TANC2: variants seen among roughly 807,000 people sequenced by gnomAD.
The protein encoded by TANC2 is protein TANC2.
Under a neutral mutation model 210.5 loss-of-function variants are expected in TANC2, and 26 were observed. The observed-to-expected ratio is 0.12, with a 90% confidence interval of 0.09 to 0.17. The LOEUF is 0.17. Ranked by LOEUF, TANC2 falls within the 10% of genes least tolerant of loss-of-function variation. TANC2 has a pLI of 1.00. For missense variants in TANC2, 2,129 were observed against 2,608.9 expected (o/e 0.82, Z 4.01); for synonymous variants, 931 against 967.1 (o/e 0.96, Z 0.69).
chr17:63,366,242 A>G (rs191284055), intron 14 of TANC2, among the ~76,000 whole-genome samples: 120 of 152,322 alleles, frequency 7.9e-4, no homozygotes, highest in African/African-American at 2.7e-3. Context: ...GCAAGTATTC[A>G]GTGAATATTT....
intron 7 of TANC2, among the ~76,000 whole-genome samples, chr17:63,218,738 A>G (rs778027351): frequency 3.3e-5 from 5 of 152,228 alleles, no homozygotes; most frequent in Admixed American, 6.5e-5. Flanking sequence ...TCTACTAAAA[A>G]TGCAAAAATT....
chr17:63,371,560 G>A (rs2047270643), intron 14 of TANC2, among the ~76,000 whole-genome samples: 2 of 152,092 alleles, frequency 1.3e-5, no homozygotes, highest in African/African-American at 4.8e-5. Flanking sequence ...AAATCTGTGT[G>A]ACTCCATATT....
At chr17:63,130,206 A>G (rs1487391685) in intron 4 of TANC2, among the ~76,000 whole-genome samples, 1 of 152,146 alleles carries the variant, frequency 6.6e-6, no homozygotes, top group African/African-American at 2.4e-5. Context: ...TTATTTAGGT[A>G]GCACAATAAA....
chr17:63,190,498 T>C (rs1476929565), intron 5 of TANC2, among the ~76,000 whole-genome samples: 2 of 152,236 alleles, frequency 1.3e-5, no homozygotes, highest in Admixed American at 1.3e-4. Flanking sequence ...CCAACTCTGT[T>C]CTTCTTTTTA....
chr17:63,246,442 C>G (rs1030013888), intron 8 of TANC2, among the ~76,000 whole-genome samples: 1 of 152,040 alleles, frequency 6.6e-6, no homozygotes, highest in Non-Finnish European at 1.5e-5. Context: ...TTTTCATTAC[C>G]TCAGAAAGAT....
In TANC2 at chr17:63,171,081, C is replaced by CTT. The variant is rs578140711; in HGVS notation, c.433+19722_433+19723dup. 2.5e-3 allele frequency among the ~76,000 whole-genome samples: 246 copies of CTT among 97,948 alleles called. 1 individual carries two copies. Among genetic ancestry groups the CTT allele is most frequent in the Middle Eastern group, 6.3e-3 (1 of 160 alleles). The allele number at this position is 97,948 out of a possible 152,430, so 64.3% of individuals were successfully genotyped here. ...CCAAATGTCCCAAATGTATTTCTTT[C>CTT]TTTTTTTTTTTTTTTTTTTTTTGAG... On this transcript the variant is annotated intron_variant, in intron 5 of 27. Coordinates refer to ENST00000689528, the Ensembl canonical transcript of TANC2.
At chr17:63,287,755 A>AGTCT (rs1338733253) in intron 9 of TANC2, among the ~76,000 whole-genome samples, 34 of 151,648 alleles carry the variant, frequency 2.2e-4, no homozygotes, top group African/African-American at 8.0e-4. Context: ...AGCTCACTGC[A>AGTCT]GTCTCCATCT....
intron 2 of TANC2, among the ~76,000 whole-genome samples, chr17:63,061,165 G>A (rs373680400): frequency 2.6e-5 from 4 of 152,076 alleles, no homozygotes; most frequent in South Asian, 2.1e-4. Flanking sequence ...TCAGGAGTTC[G>A]AGACCAGCCT....
intron 5 of TANC2, among the ~76,000 whole-genome samples, chr17:63,176,124 T>C (rs1304222476): frequency 6.6e-6 from 1 of 152,238 alleles, no homozygotes; most frequent in Non-Finnish European, 1.5e-5. Context: ...CACCAGTCAC[T>C]TTGGAAACTG....
intron 1 of TANC2, among the ~76,000 whole-genome samples, chr17:62,996,732 C>A (rs752954839): frequency 6.6e-6 from 1 of 151,808 alleles, no homozygotes; most frequent in Non-Finnish European, 1.5e-5. Flanking sequence ...TTTCTCTCTT[C>A]GTTTTTTTTG....
intron 19 of TANC2, among the ~76,000 whole-genome samples, chr17:63,403,974 T>A (rs2048421187): frequency 6.6e-6 from 1 of 152,276 alleles, no homozygotes; most frequent in African/African-American, 2.4e-5. Context: ...TTTTACTTGC[T>A]TCTCTGAATA....
intron 4 of TANC2, among the ~76,000 whole-genome samples, chr17:63,100,359 T>G (rs1272990527): frequency 6.6e-6 from 1 of 152,122 alleles, no homozygotes; most frequent in African/African-American, 2.4e-5. Context: ...CTCTTTACAT[T>G]GTGTATTATT....
At chr17:63,255,123 G>T (rs948059657) in intron 8 of TANC2, among the ~76,000 whole-genome samples, 2 of 147,424 alleles carry the variant, frequency 1.4e-5, no homozygotes, top group African/African-American at 2.5e-5. Flanking sequence ...ATTTATTTTT[G>T]AGACGAAGTC....
chr17:62,996,900 G>A (rs2033135274), intron 1 of TANC2, among the ~76,000 whole-genome samples: 1 of 147,202 alleles, frequency 6.8e-6, no homozygotes, highest in Admixed American at 6.8e-5. Context: ...TGCAACCTCT[G>A]CCTCCCAGGT....
intron 2 of TANC2, among the ~76,000 whole-genome samples, chr17:63,061,686 G>A (rs562456918): frequency 6.6e-6 from 1 of 151,836 alleles, no homozygotes; most frequent in Admixed American, 6.6e-5. Context: ...AAGGGATCTT[G>A]AATTACAGTT....
intron 1 of TANC2, among the ~76,000 whole-genome samples, chr17:62,991,845 AT>A (rs373150576): frequency 9.9e-5 from 15 of 152,150 alleles, no homozygotes; most frequent in African/African-American, 3.6e-4. Context: ...TAAAGCCTTG[AT>A]TTTCATCTCA....
chr17:63,228,963 A>G (rs1310863516), intron 7 of TANC2, among the ~76,000 whole-genome samples: 5 of 152,064 alleles, frequency 3.3e-5, no homozygotes, highest in African/African-American at 7.2e-5. Context: ...TTCCAATACT[A>G]TGTTGAATAG....
At position 63,404,977 on chromosome 17, in the gene TANC2, C is replaced by A. The variant is rs930793185; in HGVS notation, c.3332-145C>A. ...TTCATTATTTTTCTTTAGAACTTTT[C>A]TTTATGGAAAAGGTGGCAAAAATCA... On this transcript the variant is annotated intron_variant, in intron 19 of 27. Coordinates refer to ENST00000689528, the Ensembl canonical transcript of TANC2. 4 of 997,186 alleles carry A rather than the reference C, an allele frequency of 4.0e-6. No homozygotes were observed. The Admixed American group carries it at 1.4e-4, about 34-fold the overall frequency. 61.8% of individuals were successfully genotyped at this position (997,186 alleles called of 1,614,324 possible).
chr17:63,129,854 G>C (rs1204797041), intron 4 of TANC2, among the ~76,000 whole-genome samples: 1 of 152,014 alleles, frequency 6.6e-6, no homozygotes, highest in Non-Finnish European at 1.5e-5. Context: ...TATGCTCATA[G>C]ACATTCAAAA....
Sources: allele counts gnomAD v4.1 joint callset (sites outside exome capture counted in the v4.1 genomes callset), GRCh38; gene constraint gnomAD v4.1.1; transcripts MANE v1.5; gene names NCBI Gene and HGNC (gene_info 2026-07-23, HGNC 2026-07-21).